ERC2: variants seen among roughly 807,000 people sequenced by gnomAD.
ERC2 encodes the protein ERC protein 2.
Under a neutral mutation model 114.8 loss-of-function variants are expected in ERC2, and 42 were observed. That is an observed-to-expected ratio of 0.37 (90% CI 0.29 to 0.47). The LOEUF is 0.47. ERC2 is among the 20% of genes least tolerant of loss of function. The pLI, the probability that ERC2 is intolerant of heterozygous loss-of-function variation, is 0.99. For missense variants in ERC2, 939 were observed against 1,150.7 expected (o/e 0.82, Z 2.66); for synonymous variants, 454 against 425.5 (o/e 1.07, Z -0.82).
At chr3:55,930,979 C>A (rs183717468) in intron 13 of ERC2, among the ~76,000 whole-genome samples, 1 of 152,118 alleles carries the variant, frequency 6.6e-6, no homozygotes, top group Non-Finnish European at 1.5e-5. Context: ...GACATTTATG[C>A]GGCCAACAAG....
At chr3:55,850,698 C>A (rs911124838) in intron 14 of ERC2, among the ~76,000 whole-genome samples, 2 of 152,132 alleles carry the variant, frequency 1.3e-5, no homozygotes, top group Non-Finnish European at 2.9e-5. Flanking sequence ...ATTGCAGCTT[C>A]TACCCAATGA....
chr3:56,108,383 A>G (rs1229288283), intron 6 of ERC2, among the ~76,000 whole-genome samples: 2 of 152,170 alleles, frequency 1.3e-5, no homozygotes, highest in African/African-American at 2.4e-5. Context: ...CAAAGTAGAA[A>G]TAGTGACAAC....
At chr3:56,149,645 G>A (rs569494122) in intron 4 of ERC2, among the ~76,000 whole-genome samples, 6 of 152,122 alleles carry the variant, frequency 3.9e-5, no homozygotes, top group South Asian at 2.1e-4. Flanking sequence ...AAATACAGAC[G>A]TAAGTGAAAC....
At chr3:56,136,106 A>G (rs1451894012) in intron 6 of ERC2, among the ~76,000 whole-genome samples, 1 of 152,196 alleles carries the variant, frequency 6.6e-6, no homozygotes, top group East Asian at 1.9e-4. Context: ...CCAACCAAAG[A>G]GCCAAGCCAC....
intron 12 of ERC2, among the ~76,000 whole-genome samples, 164 bp downstream of exon 12, chr3:55,985,813 C>A (rs1365993504): frequency 6.6e-6 from 1 of 152,188 alleles, no homozygotes; most frequent in African/African-American, 2.4e-5. Context: ...ACCTATACAT[C>A]CTTTTCATAA....
chr3:56,262,458 G>C (rs546115318), intron 3 of ERC2, among the ~76,000 whole-genome samples: 71 of 152,336 alleles, frequency 4.7e-4, no homozygotes, highest in African/African-American at 1.6e-3. Context: ...ATGTATTAAA[G>C]AGGCAGCAGA....
At chr3:56,459,296 A>G (rs908491439) in intron 1 of ERC2, among the ~76,000 whole-genome samples, 2 of 152,242 alleles carry the variant, frequency 1.3e-5, no homozygotes, top group African/African-American at 4.8e-5. Flanking sequence ...CACGGTTTGC[A>G]TAAGGATCTG....
intron 2 of ERC2, among the ~76,000 whole-genome samples, chr3:56,419,413 C>T (rs886283350): frequency 6.6e-6 from 1 of 152,184 alleles, no homozygotes; most frequent in African/African-American, 2.4e-5. Context: ...CTATGTGACA[C>T]CTAATGCTAT....
At chr3:56,180,452 C>T (rs1026860208) in intron 3 of ERC2, among the ~76,000 whole-genome samples, 42 of 152,114 alleles carry the variant, frequency 2.8e-4, no homozygotes, top group African/African-American at 9.4e-4. Context: ...AACAAAATGC[C>T]ATGTAAACAT....
chr3:56,333,714 T>C (rs981017045), intron 2 of ERC2, among the ~76,000 whole-genome samples: 2 of 152,146 alleles, frequency 1.3e-5, no homozygotes, highest in African/African-American at 4.8e-5. Context: ...TTTTTCATTT[T>C]CAGGAAAAAG....
chr3:55,553,156 G>A (rs1183572002), intron 17 of ERC2, among the ~76,000 whole-genome samples: 2 of 149,940 alleles, frequency 1.3e-5, no homozygotes, highest in African/African-American at 2.5e-5. Flanking sequence ...TGAGTAGCTT[G>A]GACTACAGGC....
chr3:56,147,655 G>A (rs2081210765), intron 5 of ERC2, among the ~76,000 whole-genome samples: 1 of 152,082 alleles, frequency 6.6e-6, no homozygotes, highest in African/African-American at 2.4e-5. Context: ...TAACTCTGCT[G>A]CATTTCATAA....
chr3:56,341,193 A>G (rs1209449154), intron 2 of ERC2, among the ~76,000 whole-genome samples: 1 of 152,194 alleles, frequency 6.6e-6, no homozygotes, highest in Non-Finnish European at 1.5e-5. Flanking sequence ...CTATTATTGG[A>G]GACTGTCTCC....
chr3:55,665,542 G>A (rs576206368), intron 17 of ERC2, among the ~76,000 whole-genome samples: 15 of 152,220 alleles, frequency 9.9e-5, no homozygotes, highest in African/African-American at 2.4e-4. Flanking sequence ...CAACAACGCC[G>A]GGAGAAAATG....
intron 2 of ERC2, among the ~76,000 whole-genome samples, chr3:56,427,688 G>A (rs1013259665): frequency 1.3e-5 from 2 of 152,114 alleles, no homozygotes; most frequent in Non-Finnish European, 2.9e-5. Context: ...GATTATGTGA[G>A]GACACACAGG....
At position 56,240,447 on chromosome 3, in the gene ERC2, ATG is replaced by A. The variant is rs984269119; in HGVS notation, c.1074+55570_1074+55571del. 1.4e-4 allele frequency among the ~76,000 whole-genome samples: 22 copies of A among 152,358 alleles called. No homozygotes were observed. The South Asian group carries it at 2.3e-3, about 16-fold the overall frequency. ...GTTTAAAAATGTGCTCAGAATCTTC[ATG>A]TCTAGTAAGTTGCTGAGTAAATGTA... is the stretch of plus-strand genomic sequence containing the variant. On this transcript the variant is annotated intron_variant, in intron 3 of 17. Transcript: ENST00000288221.
chr3:55,690,255 G>A (rs186779944), intron 16 of ERC2, among the ~76,000 whole-genome samples: 314 of 152,212 alleles, frequency 2.1e-3, no homozygotes, highest in Non-Finnish European at 3.0e-3. Flanking sequence ...TTCCTCTGCT[G>A]GTCCCTTATC....
At chr3:56,114,594 A>G (rs1483185635) in intron 6 of ERC2, among the ~76,000 whole-genome samples, 5 of 152,174 alleles carry the variant, frequency 3.3e-5, no homozygotes, top group Non-Finnish European at 7.4e-5. Flanking sequence ...TTCCCATTAT[A>G]AAGGATACAA....
intron 1 of ERC2, among the ~76,000 whole-genome samples, chr3:56,458,788 A>G (rs942586557): frequency 1.5e-4 from 23 of 152,164 alleles, no homozygotes; most frequent in Non-Finnish European, 2.8e-4. Flanking sequence ...GGAAGGAAAA[A>G]CATACATCAC....
Sources: allele counts gnomAD v4.1 joint callset (sites outside exome capture counted in the v4.1 genomes callset), GRCh38; gene constraint gnomAD v4.1.1; transcripts MANE v1.5; gene names NCBI Gene and HGNC (gene_info 2026-07-23, HGNC 2026-07-21).